COTL1: variants seen among roughly 807,000 people sequenced by gnomAD.
COTL1 encodes coactosin like F-actin binding protein 1.
Under a neutral mutation model 16.5 loss-of-function variants are expected in COTL1, and 15 were observed. The ratio of observed to expected loss-of-function variants is 0.91; its 90% CI spans 0.61 to 1.40. COTL1 has a LOEUF of 1.40. Among genes scored for constraint, COTL1 ranks in the 40% most tolerant of loss-of-function variants. The probability of loss-of-function intolerance (pLI) is 0.00; values close to 1 mark genes in which losing one functional copy is unlikely to be tolerated. For synonymous variants in COTL1, 112 were observed against 85.3 expected, an observed-to-expected ratio of 1.31 and a Z score of -1.73; for missense variants, 220 against 201.5, an observed-to-expected ratio of 1.09 and a Z score of -0.56.
Position 84,590,397 on chromosome 16 carries a change from C to A in COTL1, c.161-135G>T. The A allele has an allele frequency of 1.0e-6, 1 of 975,658 alleles. No individual in the cohort carries two copies. Among genetic ancestry groups the A allele is most frequent in the Non-Finnish European group, 1.5e-6 (1 of 665,156 alleles). 60.4% of individuals were successfully genotyped at this position (975,658 alleles called of 1,614,324 possible). ...GACCGGTGCAGTTCCCTGGGAGCAC[C>A]ATGTGCAGAGGACAGGAGGGAAGCA... On this transcript the variant is annotated intron_variant, in intron 2 of 3. Coordinates refer to ENST00000262428, the MANE Select transcript of COTL1 (RefSeq NM_021149.5). This position sits in a 1 kb window ranked among gnomAD's most constrained non-coding sequence, Gnocchi z 5.5.
At chr16:84,615,850 G>GTT (rs1479066249) in intron 2 of COTL1, among the ~76,000 whole-genome samples, 2 of 77,868 alleles carry the variant, frequency 2.6e-5, no homozygotes, top group Non-Finnish European at 5.5e-5. Context: ...AGTAATTTTA[G>GTT]TTTTGTGTGT....
At chr16:84,600,203 G>C (rs996630784) in intron 2 of COTL1, among the ~76,000 whole-genome samples, 4 of 151,904 alleles carry the variant, frequency 2.6e-5, no homozygotes, top group East Asian at 1.9e-4. Flanking sequence ...CTCCTGTCCT[G>C]CTCAAAAAAC....
chr16:84,616,812 G>A (rs1905497833), intron 2 of COTL1, among the ~76,000 whole-genome samples: 1 of 152,068 alleles, frequency 6.6e-6, no homozygotes. Context: ...TTTTTCACGC[G>A]GGTACACACC....
At chr16:84,606,651 T>C (rs1367223026) in intron 2 of COTL1, among the ~76,000 whole-genome samples, 3 of 152,242 alleles carry the variant, frequency 2.0e-5, no homozygotes, top group African/African-American at 4.8e-5. Context: ...GGGTACACCA[T>C]GACATCCTGC....
intron 3 of COTL1, among the ~76,000 whole-genome samples, chr16:84,578,095 C>A (rs1007025347): frequency 6.6e-6 from 1 of 152,174 alleles, no homozygotes; most frequent in Admixed American, 6.5e-5. Flanking sequence ...ACTTTCCCCA[C>A]CGAGTCCAGG....
chr16:84,612,784 G>A lies in COTL1; in HGVS notation c.160+4717C>T, dbSNP rs557871768. Among the ~76,000 whole-genome samples the A allele has an allele frequency of 5.9e-5, 9 of 152,224 alleles. No homozygotes were observed. In the South Asian group the frequency reaches 6.2e-4, roughly 11 times the overall value. On this transcript the variant is annotated intron_variant, in intron 2 of 3. Transcript: ENST00000262428. ...AAAAAAAAGAAAAGCAGTGGTAGGG[G>A]TAGCCAACACACACCGTGGCCTGTG...
At chr16:84,573,749 A>AT (rs1163152272) in intron 3 of COTL1, among the ~76,000 whole-genome samples, 160 of 84,730 alleles carry the variant, frequency 1.9e-3, no homozygotes, top group African/African-American at 6.3e-3. Context: ...TCAAAAAAAA[A>AT]AAAATATATA....
At chr16:84,604,839 G>A (rs886542048) in intron 2 of COTL1, among the ~76,000 whole-genome samples, 10 of 152,196 alleles carry the variant, frequency 6.6e-5, no homozygotes, top group African/African-American at 2.4e-4. Flanking sequence ...AGCAGCAGCA[G>A]CTTTTATTTG....
chr16:84,577,662 T>TC (rs765565794), intron 3 of COTL1, among the ~76,000 whole-genome samples: 17 of 152,164 alleles, frequency 1.1e-4, no homozygotes, highest in Non-Finnish European at 2.2e-4. Context: ...TGTCAAACCC[T>TC]CGTAGCTCAG....
Position 84,590,517 on chromosome 16 carries a change from A to C in COTL1, c.161-255T>G, listed in dbSNP as rs1597175882. ...CAGATGGGAAATGGAGATTCAGAGA[A>C]GTCACATGGCACTTTCAAGGTTGTG... On this transcript the variant is annotated intron_variant, in intron 2 of 3. Coordinates refer to ENST00000262428, the MANE Select transcript of COTL1 (RefSeq NM_021149.5). This position sits in a 1 kb window ranked among gnomAD's most constrained non-coding sequence, Gnocchi z 5.5. 2.9e-6 allele frequency: 1 copy of C among 347,822 alleles called. No homozygotes were observed. The highest frequency in any genetic ancestry group is 5.0e-5 in the East Asian group (1 of 20,102). The allele number at this position is 347,822 out of a possible 1,614,324, so 21.5% of individuals were successfully genotyped here. A position where few individuals can be genotyped will look rare whatever the true frequency, so the allele number is the denominator to read the frequency against.
chr16:84,578,902 C>T (rs573858561), intron 3 of COTL1, among the ~76,000 whole-genome samples: 2 of 149,812 alleles, frequency 1.3e-5, no homozygotes, highest in African/African-American at 5.1e-5. Context: ...CATGCACACA[C>T]AGACACATGC....
At chr16:84,613,005 T>TG (rs1905370538) in intron 2 of COTL1, among the ~76,000 whole-genome samples, 1 of 135,560 alleles carries the variant, frequency 7.4e-6, no homozygotes, top group Non-Finnish European at 1.6e-5. Context: ...TTTCTTTCTT[T>TG]CTTTTTTTTT....
intron 2 of COTL1, among the ~76,000 whole-genome samples, chr16:84,592,842 C>T (rs780310713): frequency 5.3e-5 from 8 of 152,102 alleles, no homozygotes; most frequent in Non-Finnish European, 1.0e-4. Context: ...CATTTGTCCC[C>T]GGGAGCTAAG....
chr16:84,585,603 C>T (rs1271284581), intron 3 of COTL1, among the ~76,000 whole-genome samples: 1 of 152,060 alleles, frequency 6.6e-6, no homozygotes, highest in South Asian at 2.1e-4. Context: ...ACATGGCACC[C>T]GGAATGGGCC....
chr16:84,612,931 A>G (rs1470332724), intron 2 of COTL1, among the ~76,000 whole-genome samples: 1 of 152,102 alleles, frequency 6.6e-6, no homozygotes, highest in Admixed American at 6.5e-5. Context: ...CACTTGCCCA[A>G]GGCCACACAC....
intron 2 of COTL1, chr16:84,594,951 G>A (rs1163328614): frequency 6.5e-6 from 1 of 152,838 alleles, no homozygotes; most frequent in Non-Finnish European, 1.5e-5. Context: ...TGCCGGCCAT[G>A]CTCTGCGCAC....
Position 84,617,544 on chromosome 16 carries a change from G to T in COTL1, c.117C>A (p.Gly39=), listed in dbSNP as rs751705777. 1.6e-5 allele frequency: 25 copies of T among 1,558,304 alleles called. No individual in the cohort carries two copies. In the East Asian group the frequency reaches 4.1e-4, roughly 25 times the overall value. ...FKYDGSTIVP[G]EQGAEYQHFI... is the part of the protein sequence containing the mutation. ...AGTGCTGGTACTCCGCTCCCTGCTC[G>T]CCGGGGACGATGGTGGAGCCGTCAT... The change falls in exon 2 of 4, where the codon GGC becomes GGA. Residue 39 remains glycine (G), a synonymous_variant. Coordinates refer to ENST00000262428, the MANE Select transcript of COTL1 (RefSeq NM_021149.5).
intron 3 of COTL1, among the ~76,000 whole-genome samples, chr16:84,581,138 T>C (rs1904579774): frequency 7.3e-6 from 1 of 137,852 alleles, no homozygotes; most frequent in African/African-American, 2.7e-5. Context: ...TGAGATTCCA[T>C]CTAAAAACAA....
intron 2 of COTL1, chr16:84,595,314 C>T (rs1904974723): frequency 6.6e-6 from 1 of 152,210 alleles, no homozygotes; most frequent in African/African-American, 2.4e-5. Flanking sequence ...AAATCCGAGT[C>T]ACGTTATGCT....
Sources: allele counts gnomAD v4.1 joint callset (sites outside exome capture counted in the v4.1 genomes callset), GRCh38; gene constraint gnomAD v4.1.1; non-coding constraint Gnocchi (gnomAD v3.1); transcripts MANE v1.5; gene names NCBI Gene and HGNC (gene_info 2026-07-23, HGNC 2026-07-21).